CD48: variants seen among roughly 807,000 people sequenced by gnomAD.
The protein encoded by CD48 is CD48 antigen.
CD48 carries 20 observed loss-of-function variants against 22.0 expected under a neutral mutation model. That is an observed-to-expected ratio of 0.91 (90% CI 0.64 to 1.32). CD48 has a LOEUF of 1.32. Ranked by LOEUF, CD48 falls within the 40% of genes most tolerant of loss-of-function variation. The pLI, the probability that CD48 is intolerant of heterozygous loss-of-function variation, is 0.00. For missense variants in CD48, 307 were observed against 286.5 expected (o/e 1.07, Z -0.52); for synonymous variants, 110 against 110.1 (o/e 1.00, Z 0.01).
At chr1:160,681,085 CCTT>C in intron 3 of CD48, 114 bp downstream of exon 3, 1 of 1,562,808 alleles carries the variant, frequency 6.4e-7, no homozygotes, top group Non-Finnish European at 8.7e-7. Flanking sequence ...CTCCCAGACA[CCTT>C]AGGGATTCAC....
chr1:160,709,915 T>A (rs1662900859), intron 1 of CD48, among the ~76,000 whole-genome samples: 1 of 152,122 alleles, frequency 6.6e-6, no homozygotes, highest in African/African-American at 2.4e-5. Context: ...TCACAAACCA[T>A]AATCTGGAGC....
chr1:160,679,604 G>A (rs577092864), intron 3 of CD48, among the ~76,000 whole-genome samples: 1 of 152,286 alleles, frequency 6.6e-6, no homozygotes, highest in South Asian at 2.1e-4. Context: ...AAAGAAAAAG[G>A]ATGGAAGGAA....
chr1:160,705,811 C>A (rs147740976), intron 1 of CD48, among the ~76,000 whole-genome samples: 1 of 152,112 alleles, frequency 6.6e-6, no homozygotes, highest in Non-Finnish European at 1.5e-5. Flanking sequence ...CTGTTCTGTG[C>A]ATTGTAAGAT....
chr1:160,711,240 A>G (rs564978167), intron 1 of CD48, among the ~76,000 whole-genome samples: 1 of 152,304 alleles, frequency 6.6e-6, no homozygotes, highest in South Asian at 2.1e-4. Context: ...CTTTGGGTCA[A>G]TGACAATATC....
chr1:160,695,909 A>T (rs1662401296), intron 1 of CD48, among the ~76,000 whole-genome samples: 1 of 152,250 alleles, frequency 6.6e-6, no homozygotes, highest in Non-Finnish European at 1.5e-5. Context: ...TGTGGAAATG[A>T]CCCAGACAAA....
intron 1 of CD48, among the ~76,000 whole-genome samples, chr1:160,701,192 G>A (rs1240342367): frequency 7.4e-6 from 1 of 134,364 alleles, no homozygotes; most frequent in Non-Finnish European, 1.6e-5. Flanking sequence ...AAATCTTTAA[G>A]ATCAATAACT....
chr1:160,685,073 C>G lies in CD48; in HGVS notation c.199G>C (p.Val67Leu). ...TTAGATTTTCTGGAATCCCATTCTA[C>G]AATCTTCTGGTCGAAAGTATAAAAC... ...TWFYTFDQKI[V>L]EWDSRKSKYF... The change falls in exon 2 of 4, where the codon GTA becomes CTA. Residue 67 changes from valine to leucine, a missense_variant. By Grantham distance (32) the Val-to-Leu change is conservative (BLOSUM62 1). Transcript: ENST00000368046. The G allele has an allele frequency of 1.2e-6, 2 of 1,614,202 alleles. No homozygotes were observed. The highest frequency in any genetic ancestry group is 1.7e-6 in the Non-Finnish European group (2 of 1,180,026).
At chr1:160,681,748 C>G (rs995694937) in intron 2 of CD48, among the ~76,000 whole-genome samples, 1 of 152,090 alleles carries the variant, frequency 6.6e-6, no homozygotes, top group Non-Finnish European at 1.5e-5. Context: ...GGGTTATGAT[C>G]GTGTGTGAGC....
At chr1:160,691,208 G>C (rs1303971008) in intron 1 of CD48, among the ~76,000 whole-genome samples, 1 of 152,130 alleles carries the variant, frequency 6.6e-6, no homozygotes, top group Non-Finnish European at 1.5e-5. Flanking sequence ...CACCCGTAAA[G>C]GGTCTGTGCT....
intron 1 of CD48, among the ~76,000 whole-genome samples, chr1:160,686,160 A>G (rs7549403): frequency 1 from 152,106 of 152,242 alleles, 75,985 homozygotes; most frequent in Non-Finnish European, 1. Context: ...GTATATTTAA[A>G]TTTTATGGCT....
At chr1:160,692,330 A>G (rs1442987328) in intron 1 of CD48, 1 of 152,208 alleles carries the variant, frequency 6.6e-6, no homozygotes, top group African/African-American at 2.4e-5. Context: ...CAAAATGTTG[A>G]CTATAATCAA....
Position 160,685,198 on chromosome 1 carries a change from G to A in CD48, c.83-9C>T. Reference sequence around the variant, plus strand: ...CATATGTACCAAGTGACCTGCCAATGAGATTCAGAGTGAGACCTGCGCTAG... The same window carrying A: ...CATATGTACCAAGTGACCTGCCAATAAGATTCAGAGTGAGACCTGCGCTAG... On this transcript the variant is annotated splice_polypyrimidine_tract_variant and intron_variant, in intron 1 of 3. Transcript: ENST00000368046. The A allele has an allele frequency of 1.3e-6, 2 of 1,596,440 alleles. No homozygotes were observed. The highest frequency in any genetic ancestry group is 1.3e-5 in the African/African-American group (1 of 74,626).
Position 160,711,751 on chromosome 1 carries a change from C to T in CD48, c.13G>A (p.Gly5Ser), listed in dbSNP as rs1185066233. The T allele has an allele frequency of 3.7e-6, 6 of 1,613,460 alleles. No homozygotes were observed. The South Asian group carries it at 4.4e-5, about 12-fold the overall frequency. ...TCCAGAGCCAGACACGAATCCCAAC[C>T]TCTGGAGCACATGCTTCCTTCCAGA... is the stretch of plus-strand genomic sequence containing the variant. The part of the protein sequence containing the change: MCSR[G>S]WDSCLALELL... Residue 5 changes from glycine to serine, a missense_variant, in exon 1 of 4, where the codon GGT becomes AGT. Gly to Ser is a moderately conservative substitution (Grantham distance 56, BLOSUM62 0). Transcript: ENST00000368046.
At chr1:160,693,421 C>T (rs1309813143) in intron 1 of CD48, among the ~76,000 whole-genome samples, 1 of 152,032 alleles carries the variant, frequency 6.6e-6, no homozygotes, top group Non-Finnish European at 1.5e-5. Flanking sequence ...ATGTAAAAGC[C>T]CGTGATGGAA....
chr1:160,684,464 A>G (rs1214955680), intron 2 of CD48: 3 of 344,680 alleles, frequency 8.7e-6, no homozygotes, highest in African/African-American at 2.1e-5. Context: ...TGTCCTGCCC[A>G]TTATGAAAGT....
Position 160,681,240 on chromosome 1 carries a change from T to C in CD48, c.614A>G (p.Lys205Arg). The change falls in exon 3 of 4, where the codon AAG becomes AGG. Residue 205 changes from lysine (K) to arginine (R), a missense_variant. Physicochemically the swap from Lys to Arg is conservative, Grantham distance 26 (BLOSUM62 2). Coordinates refer to ENST00000368046, the MANE Select transcript of CD48 (RefSeq NM_001778.4). ...TGGACTGAGGCAGACCGTGCCATTC[T>C]TGCTGCTCACAGAATTGCTGACTTG... ...TCQVSNSVSS[K>R]NGTVCLSPPC... The C allele has an allele frequency of 1.2e-6, 2 of 1,614,244 alleles. No homozygotes were observed. The highest frequency in any genetic ancestry group is 8.5e-7 in the Non-Finnish European group (1 of 1,180,036).
At chr1:160,699,800 C>A (rs1056600670) in intron 1 of CD48, 1 of 151,654 alleles carries the variant, frequency 6.6e-6, no homozygotes, top group African/African-American at 2.4e-5. Context: ...GTCTTGTGAC[C>A]CTGACACATC....
chr1:160,680,662 C>A (rs1558029259), intron 3 of CD48: 2 of 1,010,054 alleles, frequency 2.0e-6, no homozygotes, highest in Non-Finnish European at 2.4e-6. Context: ...CATCTAGGAA[C>A]ATCAGGCTGG....
Position 160,681,230 on chromosome 1 carries a change from C to A in CD48, c.624G>T (p.Thr208=). Residue 208 remains threonine (T), a synonymous_variant, in exon 3 of 4, where the codon ACG becomes ACT. Transcript: ENST00000368046. ...VSNSVSSKNG[T]VCLSPPCTLA... is the part of the protein sequence containing the mutation. ...GGGTACAGGGTGGACTGAGGCAGACCGTGCCATTCTTGCTGCTCACAGAAT... is the reference window on the plus strand; with the variant it reads ...GGGTACAGGGTGGACTGAGGCAGACAGTGCCATTCTTGCTGCTCACAGAAT... 2 of 1,614,144 alleles carry A rather than the reference C, an allele frequency of 1.2e-6. No homozygotes were observed. Among genetic ancestry groups the A allele is most frequent in the Non-Finnish European group, 1.7e-6 (2 of 1,180,018 alleles).
Sources: allele counts gnomAD v4.1 joint callset (sites outside exome capture counted in the v4.1 genomes callset), GRCh38; gene constraint gnomAD v4.1.1; transcripts MANE v1.5; gene names NCBI Gene and HGNC (gene_info 2026-07-23, HGNC 2026-07-21).